The following SAP130 variants were observed in gnomAD, a reference collection of about 807,000 sequenced individuals.
SAP130 encodes histone deacetylase complex subunit SAP130.
SAP130 carries 16 observed loss-of-function variants against 103.2 expected under a neutral mutation model. The observed-to-expected ratio is 0.16, with a 90% CI of 0.10 to 0.24. The LOEUF (loss-of-function observed/expected upper bound fraction) is 0.24. Ranked by LOEUF, SAP130 falls within the 10% of genes least tolerant of loss-of-function variation. The pLI, the probability that SAP130 is intolerant of heterozygous loss-of-function variation, is 1.00. For missense variants in SAP130, 990 were observed against 1,359.7 expected (o/e 0.73, Z 4.28); for synonymous variants, 477 against 497.0 (o/e 0.96, Z 0.53).
At chr2:127,983,948 C>G (rs1682180010) in intron 14 of SAP130, among the ~76,000 whole-genome samples, 1 of 145,250 alleles carries the variant, frequency 6.9e-6, no homozygotes, top group South Asian at 2.3e-4. Flanking sequence ...AACTTTTGAA[C>G]TGAGATTACA....
At chr2:128,013,518 G>A (rs1003905552) in intron 5 of SAP130, among the ~76,000 whole-genome samples, 1 of 152,104 alleles carries the variant, frequency 6.6e-6, no homozygotes, top group African/African-American at 2.4e-5. Context: ...CGTCGACATT[G>A]CCAAAGGGAC....
rs1322051112 is a variant in SAP130 at position 127,968,412 on chromosome 2, T to TG, written c.2063+9572dup. The stretch of plus-strand genomic sequence containing the variant: ...AGACGTGAGCCACCATGCCCGGAGT[T>TG]GGTTTTTTTTTTTTTTTTTTTTTTT... On this transcript the variant is annotated intron_variant, in intron 15 of 20. Coordinates refer to ENST00000643581, the MANE Select transcript of SAP130 (RefSeq NM_001330301.2). 3.8e-3 allele frequency among the ~76,000 whole-genome samples: 549 copies of TG among 144,292 alleles called. 4 individuals carry two copies. The highest frequency in any genetic ancestry group is 0.013 in the African/African-American group (514 of 38,954). 94.7% of individuals were successfully genotyped at this position (144,292 alleles called of 152,430 possible). A position where few individuals can be genotyped will look rare whatever the true frequency, so the allele number is the denominator to read the frequency against.
intron 6 of SAP130, 106 bp downstream of exon 6, chr2:128,012,924 G>A (rs1337053099): frequency 5.3e-6 from 6 of 1,138,480 alleles, no homozygotes; most frequent in Non-Finnish European, 5.9e-6. Flanking sequence ...ACTTCCCTAT[G>A]TCTTGGCAAC....
chr2:127,996,548 A>C lies in SAP130; in HGVS notation c.1214-57T>G. 1 of 1,401,560 alleles carries C rather than the reference A, an allele frequency of 7.1e-7. No individual in the cohort carries two copies. The highest frequency in any genetic ancestry group is 1.5e-5 in the African/African-American group (1 of 68,028). 86.8% of individuals were successfully genotyped at this position (1,401,560 alleles called of 1,614,324 possible). A position where few individuals can be genotyped will look rare whatever the true frequency, so the allele number is the denominator to read the frequency against. On this transcript the variant is annotated intron_variant, in intron 10 of 20. Transcript: ENST00000643581. The surrounding 1 kb of genome is among the most constrained non-coding windows in gnomAD (Gnocchi z 4.3). ...TTCTACACTTTTTTTTGGCATGCCA[A>C]AACATTCTTGGCTAGCAGCAATCTT...
intron 15 of SAP130, among the ~76,000 whole-genome samples, chr2:127,969,604 G>A (rs905741666): frequency 6.6e-6 from 1 of 152,198 alleles, no homozygotes; most frequent in Non-Finnish European, 1.5e-5. Flanking sequence ...CAGTTCTGGA[G>A]GCCAGAAGTC....
intron 14 of SAP130, among the ~76,000 whole-genome samples, chr2:127,982,849 A>C (rs1376526786): frequency 1.3e-5 from 2 of 152,164 alleles, no homozygotes; most frequent in Non-Finnish European, 2.9e-5. Context: ...AGAACATGAA[A>C]AGGTGGATCA....
Position 127,996,466 on chromosome 2 carries a change from C to T in SAP130, c.1239G>A (p.Thr413=), listed in dbSNP as rs368236504. 1.7e-4 allele frequency: 267 copies of T among 1,587,602 alleles called. No homozygotes were observed. In the Middle Eastern group the frequency reaches 1.8e-3, roughly 11 times the overall value. ...CTGGCTGGATCCGAGGAGAAGTGTG[C>T]GTGATCTGCTGGGGCACCACCTTGG... The part of the protein sequence containing the change: ...PVAKVVPQQI[T]HTSPRIQPDY... Residue 413 remains threonine, a synonymous_variant, in exon 11 of 21, where the codon ACG becomes ACA. Coordinates refer to ENST00000643581, the MANE Select transcript of SAP130 (RefSeq NM_001330301.2). The surrounding 1 kb of genome is among the most constrained non-coding windows in gnomAD (Gnocchi z 4.3).
chr2:127,945,897 C>A (rs951883858), intron 18 of SAP130, among the ~76,000 whole-genome samples: 24 of 152,178 alleles, frequency 1.6e-4, no homozygotes, highest in African/African-American at 5.5e-4. Flanking sequence ...AAGCAATTTG[C>A]CTGCCATGGC....
intron 16 of SAP130, among the ~76,000 whole-genome samples, chr2:127,954,583 A>C (rs148680513): frequency 6.6e-6 from 1 of 152,324 alleles, no homozygotes; most frequent in Non-Finnish European, 1.5e-5. Context: ...CAGCAACACA[A>C]ATCTTACTTG....
Position 127,942,558 on chromosome 2 carries a change from G to A in SAP130, c.2902-21C>T. On this transcript the variant is annotated intron_variant, in intron 19 of 20. Coordinates refer to ENST00000643581, the MANE Select transcript of SAP130 (RefSeq NM_001330301.2). The surrounding 1 kb of genome is among the most constrained non-coding windows in gnomAD (Gnocchi z 4.8). ...TTCGTCTGCAACACACAAAAGGGAG[G>A]GTATCATAAGCTCGGAAATATTTTT... 1.4e-6 allele frequency: 2 copies of A among 1,403,452 alleles called. No individual in the cohort carries two copies. Among genetic ancestry groups the A allele is most frequent in the Non-Finnish European group, 2.0e-6 (2 of 988,972 alleles). The allele number at this position is 1,403,452 out of a possible 1,614,324, so 86.9% of individuals were successfully genotyped here.
At chr2:127,979,249 G>A (rs905597246) in intron 14 of SAP130, among the ~76,000 whole-genome samples, 1 of 152,290 alleles carries the variant, frequency 6.6e-6, no homozygotes, top group South Asian at 2.1e-4. Context: ...GCAGCCACTG[G>A]CAGCCAGCAC....
intron 6 of SAP130, 28 bp from the exon 7 acceptor site, chr2:128,010,421 T>C (rs750817293): frequency 6.3e-7 from 1 of 1,591,306 alleles, no homozygotes; most frequent in Admixed American, 1.8e-5. Flanking sequence ...ACAGTTCATT[T>C]AAAACAAAAA....
At chr2:128,001,319 C>T (rs1683544020) in intron 7 of SAP130, among the ~76,000 whole-genome samples, 1 of 152,146 alleles carries the variant, frequency 6.6e-6, no homozygotes, top group Non-Finnish European at 1.5e-5. Flanking sequence ...CCTGGGAGGC[C>T]AAGGCTAAAG....
chr2:127,996,021 A>G lies in SAP130; in HGVS notation c.1355+329T>C, dbSNP rs1683154488. ...AGATAGCTGTACCGCGGTGACATCA[A>G]AGAATGTCTTTACTCTTCCGTGCTA... is the stretch of plus-strand genomic sequence containing the variant. On this transcript the variant is annotated intron_variant, in intron 11 of 20. Transcript: ENST00000643581. This position sits in a 1 kb window ranked among gnomAD's most constrained non-coding sequence, Gnocchi z 4.3. Among the ~76,000 whole-genome samples the G allele has an allele frequency of 6.6e-6, 1 of 152,214 alleles. No homozygotes were observed.
chr2:127,965,460 G>A (rs1017946842), intron 15 of SAP130, among the ~76,000 whole-genome samples: 12 of 151,984 alleles, frequency 7.9e-5, no homozygotes, highest in African/African-American at 2.9e-4. Context: ...GACACAGTGA[G>A]ATTCTGTCTC....
rs1680280221 is a variant in SAP130 at position 127,961,858 on chromosome 2, T to A, written c.2064-6514A>T. 2.6e-5 allele frequency among the ~76,000 whole-genome samples: 4 copies of A among 151,462 alleles called. No individual in the cohort carries two copies. The South Asian group carries it at 6.2e-4, about 24-fold the overall frequency. On this transcript the variant is annotated intron_variant, in intron 15 of 20. Transcript: ENST00000643581. ...GAGGGTGGCATGAAAACTATGGGGG[T>A]GGGAGGAGGTATTTCTGAGCTCTGG...
chr2:128,017,153 C>G (rs1684840728), intron 3 of SAP130, among the ~76,000 whole-genome samples: 1 of 152,160 alleles, frequency 6.6e-6, no homozygotes, highest in Non-Finnish European at 1.5e-5. Flanking sequence ...GAAACGCCAT[C>G]TCTACTAAAA....
At chr2:127,962,881 T>C (rs1680358981) in intron 15 of SAP130, among the ~76,000 whole-genome samples, 1 of 139,206 alleles carries the variant, frequency 7.2e-6, no homozygotes, top group Non-Finnish European at 1.6e-5. Context: ...AGTATAATAA[T>C]AATAAAATTA....
At position 128,014,972 on chromosome 2, in the gene SAP130, AG is replaced by A. The variant is rs746930350; in HGVS notation, c.508-59del. The A allele has an allele frequency of 1.8e-5, 26 of 1,420,026 alleles. No individual in the cohort carries two copies. The Admixed American group carries it at 4.4e-4, about 24-fold the overall frequency. The allele number at this position is 1,420,026 out of a possible 1,614,324, so 88.0% of individuals were successfully genotyped here. ...ATGTTTGCTCTTAGCCATTGCCTCT[AG>A]GAAGTCACCTGCCTCCAAATGTGGG... On this transcript the variant is annotated intron_variant, in intron 4 of 20. Coordinates refer to ENST00000643581, the MANE Select transcript of SAP130 (RefSeq NM_001330301.2).
Sources: gnomAD v4.1 joint callset for allele counts (sites outside exome capture counted in the v4.1 genomes callset) on GRCh38, gnomAD v4.1.1 for gene constraint, Gnocchi (gnomAD v3.1) non-coding constraint, MANE v1.5 for transcripts, NCBI Gene and HGNC (gene_info 2026-07-23, HGNC 2026-07-21) for gene names.